The following POLG variants were observed in gnomAD, a reference collection of about 807,000 sequenced individuals.
POLG encodes the protein DNA polymerase subunit gamma-1.
POLG carries 110 observed loss-of-function variants against 155.4 expected under a neutral mutation model. That is an observed-to-expected ratio of 0.71 (90% CI 0.61 to 0.83). POLG has a LOEUF of 0.83. Among genes scored for constraint, POLG ranks in the 40% least tolerant of loss-of-function variants. The pLI, the probability that POLG is intolerant of heterozygous loss-of-function variation, is 0.00. For missense variants in POLG, 1,685 were observed against 1,627.5 expected, an observed-to-expected ratio of 1.04 and a Z score of -0.61; for synonymous variants, 701 against 631.5, an observed-to-expected ratio of 1.11 and a Z score of -1.65.
chr15:89,325,045 T>TAAGTGAGTGAGA (rs2055454911), intron 10 of POLG, among the ~76,000 whole-genome samples: 7 of 114,630 alleles, frequency 6.1e-5, no homozygotes, highest in Non-Finnish European at 3.2e-5. Flanking sequence ...AGAGAGTGAG[T>TAAGTGAGTGAGA]GAGTGAGTGA....
rs2055616858 is a variant in POLG at position 89,333,129 on chromosome 15, G to C, written c.626C>G (p.Pro209Arg). ...VEVCLAEGTC[P>R]TLAVAISPSA... ...GGGGGATATGGCCACCGCCAATGTGGGGCAAGTTCCCTCTGCCAAGCAGAC... is the reference window on the plus strand; with the variant it reads ...GGGGGATATGGCCACCGCCAATGTGCGGCAAGTTCCCTCTGCCAAGCAGAC... Residue 209 changes from proline (P) to arginine (R), a missense_variant, in exon 2 of 23, where the codon CCC becomes CGC. Around this residue, in one of 3 missense-constraint regions of POLG, gnomAD observed 1,210 missense variants for 1,167.1 expected, o/e 1.04. Coordinates refer to ENST00000268124, the MANE Select transcript of POLG (RefSeq NM_002693.3). 3 of 1,525,562 alleles carry C rather than the reference G, an allele frequency of 2.0e-6. No individual in the cohort carries two copies. Among genetic ancestry groups the C allele is most frequent in the African/African-American group, 1.4e-5 (1 of 71,944 alleles). The allele number at this position is 1,525,562 out of a possible 1,614,324, so 94.5% of individuals were successfully genotyped here.
In POLG at chr15:89,319,242, T is replaced by C. The variant is rs149429142; in HGVS notation, c.3090A>G (p.Arg1030=). 4.3e-6 allele frequency: 7 copies of C among 1,614,046 alleles called. No homozygotes were observed. The African/African-American group carries it at 9.3e-5, about 22-fold the overall frequency. The change falls in exon 19 of 23, where the codon AGA becomes AGG. Residue 1030 remains arginine (R), a synonymous_variant. Transcript: ENST00000268124. Reference sequence around the variant, plus strand: ...AAGGTTCTTACTTCCTTGCAGTTTCTCTCTGGACCTTGCGCAGATCCTGCA... The same window carrying C: ...AAGGTTCTTACTTCCTTGCAGTTTCCCTCTGGACCTTGCGCAGATCCTGCA... The part of the protein sequence containing the change: ...ISLQDLRKVQ[R]ETARKSQWKK...
chr15:89,328,658 T>G, intron 5 of POLG, 27 bp downstream of exon 5: 3 of 1,613,688 alleles, frequency 1.9e-6, no homozygotes, highest in Non-Finnish European at 2.5e-6. Flanking sequence ...ACAGCCCATG[T>G]CCCCAGAGCC....
Position 89,325,504 on chromosome 15 carries a change from G to A in POLG, c.1895C>T (p.Ala632Val). ...YLVPGRRDNL[A>V]KLPTGTTLES... ...CAGGGTGGTACCTGTCGGCAGCTTG[G>A]CCAGGTTGTCCCGCCGCCCAGGCAC... is the stretch of plus-strand genomic sequence containing the variant. The change falls in exon 10 of 23, where the codon GCC becomes GTC. Residue 632 changes from alanine to valine, a missense_variant. Around this residue, in one of 3 missense-constraint regions of POLG, gnomAD observed 1,210 missense variants for 1,167.1 expected, o/e 1.04. Transcript: ENST00000268124. 1 of 1,610,312 alleles carries A rather than the reference G, an allele frequency of 6.2e-7. No individual in the cohort carries two copies. The highest frequency in any genetic ancestry group is 8.5e-7 in the Non-Finnish European group (1 of 1,179,988).
Position 89,316,469 on chromosome 15 carries a change from C to T in POLG, c.*282G>A, listed in dbSNP as rs773004000. ...GAAAAGGAAAAAATAAATGAAATGC[C>T]TGAGTTAATGTGAACTTTGGGGCTT... On this transcript the variant is annotated 3_prime_UTR_variant, in exon 23 of 23. Coordinates refer to ENST00000268124, the MANE Select transcript of POLG (RefSeq NM_002693.3). 1 of 1,605,668 alleles carries T rather than the reference C, an allele frequency of 6.2e-7. No homozygotes were observed.
At chr15:89,332,370 T>C (rs1257548187) in intron 2 of POLG, 1 of 152,246 alleles carries the variant, frequency 6.6e-6, no homozygotes, top group Non-Finnish European at 1.5e-5. Context: ...AATAGTATTT[T>C]AATCCTGGAA....
In POLG at chr15:89,316,379, A is replaced by C. The variant is rs764018293; in HGVS notation, c.*372T>G. On this transcript the variant is annotated 3_prime_UTR_variant, in exon 23 of 23. Transcript: ENST00000268124. ...AGCAGGTTTATCACGTTAGAGCATT[A>C]ATTCTTTCCCCTTCTAGGGCACTGC... is the stretch of plus-strand genomic sequence containing the variant. 2 of 1,608,036 alleles carry C rather than the reference A, an allele frequency of 1.2e-6. No homozygotes were observed. The highest frequency in any genetic ancestry group is 2.2e-5 in the South Asian group (2 of 90,070).
chr15:89,333,741 A>G lies in POLG; in HGVS notation c.14T>C (p.Leu5Pro). ...GGTGGCGCCGGCCACCTTCCTCCAG[A>G]GCAGGCGGCTCATGGTTGGTGCAGG... is the stretch of plus-strand genomic sequence containing the variant. MSRL[L>P]WRKVAGATVG... is the part of the protein sequence containing the mutation. The change falls in exon 2 of 23, where the codon CTC (leucine) becomes CCC (proline). Residue 5 changes from leucine (L) to proline (P), a missense_variant. Coordinates refer to ENST00000268124, the MANE Select transcript of POLG (RefSeq NM_002693.3). The G allele has an allele frequency of 6.5e-7, 1 of 1,535,390 alleles. No homozygotes were observed. The highest frequency in any genetic ancestry group is 2.4e-5 in the East Asian group (1 of 40,894).
rs1335704587 is a variant in POLG, at chr15:89,316,394, T to C, written c.*357A>G. ...TTAGAGCATTAATTCTTTCCCCTTC[T>C]AGGGCACTGCATCAGAGCATGGGGG... On this transcript the variant is annotated 3_prime_UTR_variant, in exon 23 of 23. Transcript: ENST00000268124. 3 of 1,611,336 alleles carry C rather than the reference T, an allele frequency of 1.9e-6. No homozygotes were observed. The highest frequency in any genetic ancestry group is 2.2e-5 in the East Asian group (1 of 44,806).
rs1286864703 is a variant in POLG, at chr15:89,320,875, C to T, written c.2872G>A (p.Gly958Arg). ...IFNYGRIYGA[G>R]QPFAERLLMQ... ...AGTAAGCGCTCAGCAAAGGGCTGCC[C>T]AGCACCATAGATGCGGCCGTAGTTG... is the stretch of plus-strand genomic sequence containing the variant. The change falls in exon 18 of 23, where the codon GGG becomes AGG. Residue 958 changes from glycine to arginine, a missense_variant. By Grantham distance (125) the Gly-to-Arg change is moderately radical. This residue lies in a region of POLG where 470 missense variants were observed against 439.9 expected (regional missense o/e 1.07). Coordinates refer to ENST00000268124, the MANE Select transcript of POLG (RefSeq NM_002693.3). 1 of 1,613,880 alleles carries T rather than the reference C, an allele frequency of 6.2e-7. No homozygotes were observed. The highest frequency in any genetic ancestry group is 1.7e-5 in the Admixed American group (1 of 60,010).
rs1243982675 is a variant in POLG, at chr15:89,321,724, G to C, written c.2598+12C>G. 1 of 1,585,940 alleles carries C rather than the reference G, an allele frequency of 6.3e-7. No homozygotes were observed. Among genetic ancestry groups the C allele is most frequent in the Admixed American group, 1.7e-5 (1 of 60,002 alleles). The stretch of plus-strand genomic sequence containing the variant: ...AGGAAGAGCAGGGGCCAGAGGTACA[G>C]AGGTCACATACCCGGGCATTGCTGG... On this transcript the variant is annotated intron_variant, in intron 16 of 22. Coordinates refer to ENST00000268124, the MANE Select transcript of POLG (RefSeq NM_002693.3).
chr15:89,317,804 C>T (rs747033790), intron 21 of POLG: 12 of 484,988 alleles, frequency 2.5e-5, no homozygotes, highest in Middle Eastern at 3.1e-4. Context: ...AATTAATATA[C>T]GAAATCACTT....
At chr15:89,329,481 C>T (rs770009073) in intron 3 of POLG, among the ~76,000 whole-genome samples, 3 of 152,166 alleles carry the variant, frequency 2.0e-5, no homozygotes, top group Non-Finnish European at 4.4e-5. Context: ...GCTCTGTGGC[C>T]CTGAGCATGT....
Position 89,318,648 on chromosome 15 carries a change from T to C in POLG, c.3375A>G (p.Ile1125Met), listed in dbSNP as rs779278083. The change falls in exon 21 of 23, where the codon ATA becomes ATG. Residue 1125 changes from isoleucine (I) to methionine (M), a missense_variant. This residue lies in a region of POLG where 470 missense variants were observed against 439.9 expected (regional missense o/e 1.07). Transcript: ENST00000268124. ...GGATGCTGATGCAGAAGCGCCCATCTATGGCAAACTCTTCAAACAGCCACT... is the reference window on the plus strand; with the variant it reads ...GGATGCTGATGCAGAAGCGCCCATCCATGGCAAACTCTTCAAACAGCCACT... ...AMKWLFEEFA[I>M]DGRFCISIHD... 6.2e-7 allele frequency: 1 copy of C among 1,614,220 alleles called. No individual in the cohort carries two copies. Among genetic ancestry groups the C allele is most frequent in the Non-Finnish European group, 8.5e-7 (1 of 1,180,018 alleles).
At position 89,333,255 on chromosome 15, in the gene POLG, G is replaced by T; in HGVS notation, c.500C>A (p.Pro167Gln). 6.4e-7 allele frequency: 1 copy of T among 1,563,290 alleles called. No individual in the cohort carries two copies. Among genetic ancestry groups the T allele is most frequent in the Non-Finnish European group, 8.7e-7 (1 of 1,153,122 alleles). ...LLQAQLPPKP[P>Q]AWAWAEGWTR... ...CCAGCCCTCCGCCCAGGCCCAAGCC[G>T]GGGGCTTCGGGGGCAGCTGGGCCTG... Residue 167 changes from proline to glutamine, a missense_variant, in exon 2 of 23, where the codon CCG becomes CAG. Transcript: ENST00000268124.
chr15:89,323,508 C>T lies in POLG; in HGVS notation c.2161G>A (p.Ala721Thr), dbSNP rs1391948204. The change falls in exon 13 of 23, where the codon GCC (alanine) becomes ACC (threonine). Residue 721 changes from alanine to threonine, a missense_variant. Physicochemically the swap from Ala to Thr is moderately conservative, Grantham distance 58 (BLOSUM62 0). Around this residue, in one of 3 missense-constraint regions of POLG, gnomAD observed 1,210 missense variants for 1,167.1 expected, o/e 1.04. Coordinates refer to ENST00000268124, the MANE Select transcript of POLG (RefSeq NM_002693.3). ...TGGGTGTCCTTGGGGCCACCACGGG[C>T]AGTCTGTGAGGGCCACACACCTATA... ...AVPGQPLALT[A>T]RGGPKDTQPS... The T allele has an allele frequency of 6.2e-7, 1 of 1,606,700 alleles. No homozygotes were observed.
At position 89,317,537 on chromosome 15, in the gene POLG, C is replaced by G; in HGVS notation, c.3483-1G>C. 2 of 1,613,882 alleles carry G rather than the reference C, an allele frequency of 1.2e-6. No homozygotes were observed. Among genetic ancestry groups the G allele is most frequent in the South Asian group, 2.2e-5 (2 of 91,076 alleles). ...ACCCAGCTTGTAGGCAAACATGCACCTGAAAGAGACCCAATCTACTCTCAC... is the reference window on the plus strand; with the variant it reads ...ACCCAGCTTGTAGGCAAACATGCACGTGAAAGAGACCCAATCTACTCTCAC... On this transcript the variant is annotated splice_acceptor_variant, in intron 21 of 22. Transcript: ENST00000268124. LOFTEE classifies it high-confidence loss of function.
In POLG at chr15:89,333,880, T is replaced by A; in HGVS notation, c.-126A>T. ...TGTCTCTGCTCTCCTGTCAGTGAAATGGGTTTGACCATGCCTGCCTTCCAC... is the reference window on the plus strand; with the variant it reads ...TGTCTCTGCTCTCCTGTCAGTGAAAAGGGTTTGACCATGCCTGCCTTCCAC... On this transcript the variant is annotated 5_prime_UTR_variant, in exon 2 of 23. Transcript: ENST00000268124. 1 of 1,203,130 alleles carries A rather than the reference T, an allele frequency of 8.3e-7. No individual in the cohort carries two copies. The highest frequency in any genetic ancestry group is 1.2e-6 in the Non-Finnish European group (1 of 850,512). 74.5% of individuals were successfully genotyped at this position (1,203,130 alleles called of 1,614,324 possible).
rs2055388532 is a variant in POLG, at chr15:89,321,064, G to A, written c.2735-52C>T. ...GCAGCTCAGGAACATTCTGCCCAAT[G>A]TTCATCAGAACTGTCAATATGCTGA... On this transcript the variant is annotated intron_variant, in intron 17 of 22. Coordinates refer to ENST00000268124, the MANE Select transcript of POLG (RefSeq NM_002693.3). The A allele has an allele frequency of 2.5e-6, 4 of 1,601,520 alleles. No individual in the cohort carries two copies. In the East Asian group the frequency reaches 6.7e-5, roughly 27 times the overall value.
Sources: allele counts gnomAD v4.1 joint callset (sites outside exome capture counted in the v4.1 genomes callset), GRCh38; gene constraint gnomAD v4.1.1; regional missense constraint gnomAD v4.1.1; transcripts MANE v1.5; gene names NCBI Gene and HGNC (gene_info 2026-07-23, HGNC 2026-07-21).